INPP4B: variants seen among roughly 807,000 people sequenced by gnomAD.
The protein encoded by INPP4B is inositol polyphosphate 4-phosphatase type II.
In INPP4B, 55 loss-of-function variants were observed where a neutral mutation model predicts 122.5. The observed-to-expected ratio is 0.45, with a 90% CI of 0.36 to 0.56. The LOEUF (loss-of-function observed/expected upper bound fraction) is 0.56. Ranked by LOEUF, INPP4B falls within the 20% of genes least tolerant of loss-of-function variation. INPP4B has a pLI of 0.00. For synonymous variants in INPP4B, 403 were observed against 388.7 expected, an observed-to-expected ratio of 1.04 and a Z score of -0.43; for missense variants, 1,000 against 1,097.7, an observed-to-expected ratio of 0.91 and a Z score of 1.26.
intron 2 of INPP4B, among the ~76,000 whole-genome samples, chr4:142,499,626 T>A (rs950408390): frequency 2.6e-5 from 4 of 152,170 alleles, no homozygotes; most frequent in African/African-American, 9.7e-5. Context: ...AATTGTTTTA[T>A]CAAGAAACTG....
intron 1 of INPP4B, among the ~76,000 whole-genome samples, chr4:142,829,503 T>C (rs571489649): frequency 4.5e-4 from 68 of 152,252 alleles, no homozygotes; most frequent in Admixed American, 9.8e-4. Context: ...GACTTCTCCC[T>C]CACTTAGAGT....
In INPP4B at chr4:142,801,091, GA is replaced by G. The variant is rs531944903; in HGVS notation, c.-254+45117del. ...GCCTTACATAGCAGATTAAAGTAGT[GA>G]AAAAAAAATGGAGTATGAAGATGAG... On this transcript the variant is annotated intron_variant, in intron 1 of 25. Transcript: ENST00000262992. Among the ~76,000 whole-genome samples the G allele has an allele frequency of 2.3e-3, 340 of 148,932 alleles. 1 individual carries two copies. The highest frequency in any genetic ancestry group is 3.4e-3 in the Middle Eastern group (1 of 290).
chr4:142,438,256 G>A lies in INPP4B; in HGVS notation c.-126-6871C>T, dbSNP rs193054594. Among the ~76,000 whole-genome samples the A allele has an allele frequency of 4.3e-4, 66 of 152,130 alleles. 1 individual carries two copies. In the East Asian group the frequency reaches 0.012, roughly 28 times the overall value. ...GCCTGTATAACAAATATAATCCTAA[G>A]CAAAAGAACATAGCTGGAGGCATCA... On this transcript the variant is annotated intron_variant, in intron 3 of 25. Coordinates refer to ENST00000262992, the MANE Select transcript of INPP4B (RefSeq NM_001101669.3).
chr4:142,701,812 G>A (rs1286532286), intron 2 of INPP4B, among the ~76,000 whole-genome samples: 1 of 151,944 alleles, frequency 6.6e-6, no homozygotes, highest in African/African-American at 2.4e-5. Context: ...TAGACACTTG[G>A]GTAGGTTGAC....
At chr4:142,717,645 A>ATCTG (rs1275985654) in intron 2 of INPP4B, among the ~76,000 whole-genome samples, 1 of 152,212 alleles carries the variant, frequency 6.6e-6, no homozygotes, top group Non-Finnish European at 1.5e-5. Context: ...CAAGGACAGA[A>ATCTG]AACCAAACAC....
At chr4:142,728,456 G>A in intron 1 of INPP4B, among the ~76,000 whole-genome samples, 1 of 152,156 alleles carries the variant, frequency 6.6e-6, no homozygotes, top group Non-Finnish European at 1.5e-5. Flanking sequence ...CCCTGAATAT[G>A]ATCTTATTCA....
chr4:142,522,248 A>G (rs1167937718), intron 2 of INPP4B, among the ~76,000 whole-genome samples: 1 of 151,800 alleles, frequency 6.6e-6, no homozygotes, highest in Non-Finnish European at 1.5e-5. Flanking sequence ...TTTCAGTTTT[A>G]TTTTTCAAAT....
chr4:142,738,835 C>T (rs971749713), intron 1 of INPP4B, among the ~76,000 whole-genome samples: 4 of 152,126 alleles, frequency 2.6e-5, no homozygotes, highest in Admixed American at 2.6e-4. Flanking sequence ...CTACTATTTT[C>T]TCAAAATCCT....
At chr4:142,789,872 T>C (rs1240098031) in intron 1 of INPP4B, among the ~76,000 whole-genome samples, 1 of 152,064 alleles carries the variant, frequency 6.6e-6, no homozygotes, top group Admixed American at 6.6e-5. Context: ...AGCATGGTAC[T>C]GGTTTAAAAA....
intron 1 of INPP4B, among the ~76,000 whole-genome samples, chr4:142,833,300 G>A (rs925103856): frequency 5.9e-5 from 9 of 151,998 alleles, no homozygotes; most frequent in African/African-American, 2.2e-4. Context: ...AGAGTCAATT[G>A]AGTGTACTTG....
chr4:142,244,514 A>C (rs550930583), intron 11 of INPP4B, among the ~76,000 whole-genome samples: 1 of 151,988 alleles, frequency 6.6e-6, no homozygotes, highest in African/African-American at 2.4e-5. Context: ...TGTGTTAGCC[A>C]GGATGGTCTT....
intron 1 of INPP4B, among the ~76,000 whole-genome samples, chr4:142,749,411 C>T (rs1769302245): frequency 6.7e-6 from 1 of 149,416 alleles, no homozygotes; most frequent in African/African-American, 2.5e-5. Context: ...GTAAATCTAA[C>T]AATATGGTCT....
intron 25 of INPP4B, among the ~76,000 whole-genome samples, chr4:142,047,538 C>T (rs1752221685): frequency 6.6e-6 from 1 of 151,948 alleles, no homozygotes; most frequent in East Asian, 1.9e-4. Flanking sequence ...CAGAGGCCTC[C>T]AGAGAAGGAC....
chr4:142,554,367 A>T (rs1580355826), intron 2 of INPP4B, among the ~76,000 whole-genome samples: 5 of 3,358 alleles, frequency 1.5e-3, no homozygotes, highest in South Asian at 0.031. Context: ...TGCAATAGTA[A>T]AAAAAAAAAA....
chr4:142,168,162 T>C (rs1268918324), intron 16 of INPP4B, among the ~76,000 whole-genome samples: 1 of 151,568 alleles, frequency 6.6e-6, no homozygotes, highest in Admixed American at 6.6e-5. Flanking sequence ...TGTACTTGAG[T>C]TTATTTTTCT....
rs1265452054 is a variant in INPP4B at position 142,708,273 on chromosome 4, C to T, written c.-191+17566G>A. 2.6e-5 allele frequency among the ~76,000 whole-genome samples: 4 copies of T among 152,154 alleles called. No individual in the cohort carries two copies. The South Asian group carries it at 8.3e-4, about 32-fold the overall frequency. ...AGAGCATAAAAGTTTAGAAAATTTG[C>T]AGCCTCACCATGTGGTAGAAAATAA... On this transcript the variant is annotated intron_variant, in intron 2 of 25. Transcript: ENST00000262992.
At chr4:142,263,120 G>T (rs1431253485) in intron 10 of INPP4B, among the ~76,000 whole-genome samples, 1 of 152,146 alleles carries the variant, frequency 6.6e-6, no homozygotes, top group African/African-American at 2.4e-5. Context: ...CCTCTCCCGT[G>T]CCTCACTGGA....
intron 5 of INPP4B, among the ~76,000 whole-genome samples, chr4:142,424,981 A>G (rs972755573): frequency 6.6e-6 from 1 of 152,072 alleles, no homozygotes; most frequent in Admixed American, 6.6e-5. Flanking sequence ...CCAAGAAATA[A>G]TGGCTCTGTT....
intron 1 of INPP4B, among the ~76,000 whole-genome samples, chr4:142,769,259 T>G (rs1235192102): frequency 1.3e-5 from 2 of 152,142 alleles, no homozygotes; most frequent in Non-Finnish European, 2.9e-5. Context: ...AGGGTCTACC[T>G]AGTGCATGCT....
Sources: gnomAD v4.1 joint callset for allele counts (sites outside exome capture counted in the v4.1 genomes callset) on GRCh38, gnomAD v4.1.1 for gene constraint, MANE v1.5 for transcripts, NCBI Gene and HGNC (gene_info 2026-07-23, HGNC 2026-07-21) for gene names.